Variants in ARID2 observed in about 807,000 individuals in gnomAD.
ARID2 encodes the protein AT-rich interactive domain-containing protein 2.
In ARID2, 32 loss-of-function variants were observed where a neutral mutation model predicts 184.6. The ratio of observed to expected loss-of-function variants is 0.17; its 90% confidence interval spans 0.13 to 0.23. ARID2 has a LOEUF of 0.23. Ranked by LOEUF, ARID2 falls within the 10% of genes least tolerant of loss-of-function variation. The pLI is 1.00. For missense variants in ARID2, 1,696 were observed against 2,197.6 expected (o/e 0.77, Z 4.56); for synonymous variants, 836 against 772.6 (o/e 1.08, Z -1.36).
At chr12:45,883,601 T>C (rs1944138757) in intron 16 of ARID2, among the ~76,000 whole-genome samples, 1 of 150,058 alleles carries the variant, frequency 6.7e-6, no homozygotes, top group Admixed American at 6.7e-5. Context: ...TATATAAAAA[T>C]ATACCCCCAT....
At chr12:45,832,779 T>TA (rs894030699) in intron 6 of ARID2, among the ~76,000 whole-genome samples, 10 of 152,136 alleles carry the variant, frequency 6.6e-5, no homozygotes, top group African/African-American at 1.9e-4. Flanking sequence ...GTAATAAAAC[T>TA]AAAAAATTAA....
chr12:45,859,517 T>C (rs1021982742), intron 15 of ARID2, among the ~76,000 whole-genome samples: 3 of 152,222 alleles, frequency 2.0e-5, no homozygotes, highest in African/African-American at 7.2e-5. Context: ...AGAGTTTTAA[T>C]TTACTGCCTT....
At position 45,905,234 on chromosome 12, in the gene ARID2, C is replaced by T; in HGVS notation, c.*156C>T. The T allele has an allele frequency of 1.6e-6, 1 of 618,826 alleles. No homozygotes were observed. The highest frequency in any genetic ancestry group is 2.5e-6 in the Non-Finnish European group (1 of 402,310). The allele number at this position is 618,826 out of a possible 1,614,324, so 38.3% of individuals were successfully genotyped here. ...GAGAGGAAGCTTCGTATTCTGATCT[C>T]TGAGTGAATCCCTTTGTTCTCTGTT... On this transcript the variant is annotated 3_prime_UTR_variant, in exon 21 of 21. Coordinates refer to ENST00000334344, the MANE Select transcript of ARID2 (RefSeq NM_152641.4).
intron 20 of ARID2, 112 bp downstream of exon 20, chr12:45,893,833 G>GT (rs1446049536): frequency 2.0e-6 from 2 of 977,982 alleles, no homozygotes; most frequent in Non-Finnish European, 2.9e-6. Flanking sequence ...CATCAATTTT[G>GT]CAAATACATC....
At chr12:45,752,247 T>A (rs927170043) in intron 3 of ARID2, among the ~76,000 whole-genome samples, 8 of 152,202 alleles carry the variant, frequency 5.3e-5, no homozygotes, top group African/African-American at 1.9e-4. Context: ...TTTTTTCTAG[T>A]CTTTTGGCAT....
At chr12:45,840,339 AG>A (rs1350521687) in intron 11 of ARID2, 1 of 152,152 alleles carries the variant, frequency 6.6e-6, no homozygotes, top group Non-Finnish European at 1.5e-5. Context: ...ATTAATACAG[AG>A]GCTGTGTAGA....
chr12:45,808,711 G>A (rs889250371), intron 3 of ARID2, among the ~76,000 whole-genome samples: 10 of 151,556 alleles, frequency 6.6e-5, no homozygotes, highest in African/African-American at 1.7e-4. Context: ...TCTCCCGGCC[G>A]TTATTAAAAA....
Position 45,897,360 on chromosome 12 carries a change from C to A in ARID2, c.5363+3639C>A, listed in dbSNP as rs183819903. Among the ~76,000 whole-genome samples the A allele has an allele frequency of 2.0e-4, 30 of 152,268 alleles. No individual in the cohort carries two copies. In the East Asian group the frequency reaches 2.1e-3, roughly 11 times the overall value. Reference sequence around the variant, plus strand: ...ATTTCTTGGGATATGACACCAAAGACACAGACAATAAAAGGAAAACCAGAC... The same window carrying A: ...ATTTCTTGGGATATGACACCAAAGAAACAGACAATAAAAGGAAAACCAGAC... On this transcript the variant is annotated intron_variant, in intron 20 of 20. Transcript: ENST00000334344.
intron 3 of ARID2, among the ~76,000 whole-genome samples, chr12:45,739,928 C>G (rs1448096768): frequency 6.6e-6 from 1 of 152,150 alleles, no homozygotes; most frequent in Non-Finnish European, 1.5e-5. Flanking sequence ...TAGTAAGGCT[C>G]AGGTTGATCA....
intron 16 of ARID2, among the ~76,000 whole-genome samples, chr12:45,870,034 G>A (rs908131521): frequency 6.6e-6 from 1 of 152,026 alleles, no homozygotes; most frequent in Non-Finnish European, 1.5e-5. Flanking sequence ...CATCCAGGCT[G>A]TAGTGCAGTG....
intron 11 of ARID2, among the ~76,000 whole-genome samples, chr12:45,843,745 A>G (rs888403350): frequency 6.6e-6 from 1 of 152,176 alleles, no homozygotes; most frequent in Non-Finnish European, 1.5e-5. Context: ...TATACTTCAA[A>G]TATATTTTTG....
chr12:45,821,587 A>G (rs371133263), intron 6 of ARID2, 100 bp downstream of exon 6: 7 of 609,432 alleles, frequency 1.1e-5, no homozygotes, highest in Non-Finnish European at 2.6e-6. Flanking sequence ...TACTACCTAT[A>G]CTTTTATCTT....
At chr12:45,880,822 T>C (rs1280086654) in intron 16 of ARID2, 1 of 155,264 alleles carries the variant, frequency 6.4e-6, no homozygotes, top group African/African-American at 2.4e-5. Flanking sequence ...CCTATCGAGA[T>C]AGTGTCCTTA....
At chr12:45,826,745 G>A (rs1053869140) in intron 6 of ARID2, among the ~76,000 whole-genome samples, 17 of 152,002 alleles carry the variant, frequency 1.1e-4, no homozygotes, top group Admixed American at 4.6e-4. Flanking sequence ...GATGCATGCT[G>A]TGGAAAAGCT....
At chr12:45,793,690 T>C (rs1427525268) in intron 3 of ARID2, among the ~76,000 whole-genome samples, 11 of 150,896 alleles carry the variant, frequency 7.3e-5, no homozygotes, top group Admixed American at 4.6e-4. Context: ...TATTTATATA[T>C]ACACACACAC....
intron 4 of ARID2, 92 bp downstream of exon 4, chr12:45,811,643 C>G (rs2138083536): frequency 7.3e-7 from 1 of 1,363,996 alleles, no homozygotes; most frequent in South Asian, 1.6e-5. Flanking sequence ...TTCCTTTGCA[C>G]ATGAGAACAC....
chr12:45,761,963 A>G (rs1236861568), intron 3 of ARID2, among the ~76,000 whole-genome samples: 1 of 151,930 alleles, frequency 6.6e-6, no homozygotes, highest in East Asian at 1.9e-4. Flanking sequence ...AACTCTGTTC[A>G]TTTTCTTATT....
chr12:45,831,142 A>G (rs1169400501), intron 6 of ARID2, among the ~76,000 whole-genome samples: 2 of 151,848 alleles, frequency 1.3e-5, no homozygotes, highest in African/African-American at 4.8e-5. Flanking sequence ...TCTGCTTTTC[A>G]TATATCTTTC....
chr12:45,821,428 T>C lies in ARID2; in HGVS notation c.646T>C (p.Ser216Pro). The C allele has an allele frequency of 1.3e-6, 2 of 1,517,022 alleles. No individual in the cohort carries two copies. The highest frequency in any genetic ancestry group is 1.4e-5 in the South Asian group (1 of 72,450). 94.0% of individuals were successfully genotyped at this position (1,517,022 alleles called of 1,614,324 possible). Reference protein sequence around the residue: ...NAGVFDDTLGSFSTVFGEEWK... With the variant: ...NAGVFDDTLGPFSTVFGEEWK... The stretch of plus-strand genomic sequence containing the variant: ...ATTTATTTGTTTTTTAGCTTTAGGA[T>C]CCTTTTCCACTGTATTTGGAGAAGA... Residue 216 changes from serine (S) to proline (P), a missense_variant, in exon 6 of 21, where the codon TCC (serine) becomes CCC (proline). By Grantham distance (74) the Ser-to-Pro change is moderately conservative. Transcript: ENST00000334344.
Sources: allele counts gnomAD v4.1 joint callset (sites outside exome capture counted in the v4.1 genomes callset), GRCh38; gene constraint gnomAD v4.1.1; transcripts MANE v1.5; gene names NCBI Gene and HGNC (gene_info 2026-07-23, HGNC 2026-07-21).